Variants in STPG2 observed in about 807,000 individuals in gnomAD.
STPG2 encodes sperm tail PG-rich repeat containing 2.
Under a neutral mutation model 54.2 loss-of-function variants are expected in STPG2, and 56 were observed. That is an observed-to-expected ratio of 1.03 (90% CI 0.83 to 1.29). STPG2 has a LOEUF of 1.29. STPG2 is among the 50% of genes most tolerant of loss of function. STPG2 has a pLI of 0.00. For synonymous variants in STPG2, 200 were observed against 181.8 expected (o/e 1.10, Z -0.81); for missense variants, 596 against 544.9 (o/e 1.09, Z -0.93).
chr4:97,678,632 A>T (rs2148976366), intron 10 of STPG2, among the ~76,000 whole-genome samples: 1 of 150,958 alleles, frequency 6.6e-6, no homozygotes, highest in South Asian at 2.1e-4. Context: ...ATTTTATTTT[A>T]TTATTATTAT....
chr4:97,890,514 T>A (rs901342755), intron 8 of STPG2, among the ~76,000 whole-genome samples: 2 of 151,954 alleles, frequency 1.3e-5, no homozygotes, highest in African/African-American at 4.8e-5. Flanking sequence ...TAACATTAGC[T>A]TAAAAGGCAA....
intron 10 of STPG2, among the ~76,000 whole-genome samples, chr4:97,583,469 TTGCTTAACCAAGAGTTCC>T (rs1732914751): frequency 6.6e-6 from 1 of 151,940 alleles, no homozygotes; most frequent in African/African-American, 2.4e-5. Context: ...GAAAATATAT[TTGCTTAACCAAGAGTTCC>T]TGCTATTTTC....
At chr4:97,528,516 T>G (rs183616560) in intron 4 of STPG2, among the ~76,000 whole-genome samples, 16 of 152,228 alleles carry the variant, frequency 1.1e-4, no homozygotes, top group Non-Finnish European at 1.9e-4. Flanking sequence ...TTTAAAGTAT[T>G]TTTTTCCAAC....
chr4:97,651,248 G>A (rs2148953492), intron 10 of STPG2, among the ~76,000 whole-genome samples: 1 of 151,650 alleles, frequency 6.6e-6, no homozygotes, highest in African/African-American at 2.4e-5. Context: ...ATACAAAGCA[G>A]ACATTATTGT....
chr4:97,682,283 C>T (rs879886505), intron 10 of STPG2, among the ~76,000 whole-genome samples: 3 of 151,762 alleles, frequency 2.0e-5, no homozygotes, highest in Non-Finnish European at 4.4e-5. Context: ...TAAGATGGTC[C>T]TTTCTCATTG....
chr4:98,135,172 A>T (rs1740104119), intron 1 of STPG2, among the ~76,000 whole-genome samples: 2 of 151,904 alleles, frequency 1.3e-5, no homozygotes, highest in African/African-American at 4.8e-5. Flanking sequence ...AACAGGTAAT[A>T]AAAGAATGCA....
At chr4:97,789,638 G>A (rs1434860850) in intron 9 of STPG2, among the ~76,000 whole-genome samples, 1 of 151,896 alleles carries the variant, frequency 6.6e-6, no homozygotes. Flanking sequence ...GATTATATAC[G>A]AACTATTTAT....
At chr4:98,079,287 G>T (rs1413811560) in intron 5 of STPG2, among the ~76,000 whole-genome samples, 1 of 152,108 alleles carries the variant, frequency 6.6e-6, no homozygotes, top group Admixed American at 6.5e-5. Flanking sequence ...TCCTGTATAG[G>T]ATGACTTTGC....
At chr4:98,038,952 C>T (rs11097601) in intron 5 of STPG2, among the ~76,000 whole-genome samples, 59,837 of 151,740 alleles carry the variant, frequency 0.39, 12,031 homozygotes, top group Middle Eastern at 0.46. Context: ...AAGAGATACA[C>T]ATACCCATCA....
At chr4:97,638,390 T>G (rs952945421) in intron 10 of STPG2, among the ~76,000 whole-genome samples, 1 of 151,910 alleles carries the variant, frequency 6.6e-6, no homozygotes, top group Non-Finnish European at 1.5e-5. Context: ...CCATAAAAAC[T>G]CTAGAAGAAA....
chr4:98,101,150 G>A (rs1739025508), intron 5 of STPG2, among the ~76,000 whole-genome samples: 2 of 152,118 alleles, frequency 1.3e-5, no homozygotes, highest in Non-Finnish European at 2.9e-5. Context: ...TGAAAATTCT[G>A]CAGCACTTTG....
intron 9 of STPG2, among the ~76,000 whole-genome samples, chr4:97,811,190 G>T (rs1236481992): frequency 6.6e-6 from 1 of 151,080 alleles, no homozygotes; most frequent in Non-Finnish European, 1.5e-5. Flanking sequence ...TAGGCGGTTA[G>T]TTTACTTAAA....
chr4:98,019,194 T>A (rs939039235), intron 5 of STPG2, among the ~76,000 whole-genome samples: 5 of 152,174 alleles, frequency 3.3e-5, no homozygotes, highest in African/African-American at 1.2e-4. Flanking sequence ...TTAATTTTTG[T>A]ATAAGGTGTA....
intron 10 of STPG2, among the ~76,000 whole-genome samples, chr4:97,627,445 C>T (rs977184754): frequency 2.6e-5 from 4 of 152,022 alleles, no homozygotes; most frequent in Admixed American, 6.6e-5. Flanking sequence ...CATGCTAACA[C>T]ATTAAGTTAA....
At chr4:97,798,487 G>A (rs1401823529) in intron 9 of STPG2, among the ~76,000 whole-genome samples, 1 of 152,146 alleles carries the variant, frequency 6.6e-6, no homozygotes, top group African/African-American at 2.4e-5. Flanking sequence ...ATGCAGTTGA[G>A]CGGTTTTCAG....
chr4:97,615,842 C>T (rs1339093949), intron 10 of STPG2, among the ~76,000 whole-genome samples: 3 of 150,684 alleles, frequency 2.0e-5, no homozygotes, highest in Admixed American at 6.7e-5. Context: ...TCAAGACCAG[C>T]CTGGCTAACA....
chr4:98,134,556 T>C (rs1032747515), intron 1 of STPG2, 97 bp from the exon 2 acceptor site: 4 of 504,368 alleles, frequency 7.9e-6, no homozygotes, highest in African/African-American at 2.1e-5. Context: ...GTATCCTCAA[T>C]TGTTAAGACT....
chr4:98,011,841 G>A (rs1172330726), intron 5 of STPG2, among the ~76,000 whole-genome samples: 3 of 152,166 alleles, frequency 2.0e-5, no homozygotes, highest in Non-Finnish European at 2.9e-5. Context: ...TAAGTTCCTT[G>A]TAGATTCTGG....
chr4:97,721,216 A>C (rs137932495), intron 9 of STPG2, among the ~76,000 whole-genome samples: 1 of 152,228 alleles, frequency 6.6e-6, no homozygotes, highest in Non-Finnish European at 1.5e-5. Context: ...CAAAAAGAAC[A>C]GTCATGTTTG....
Sources: gnomAD v4.1 joint callset for allele counts (sites outside exome capture counted in the v4.1 genomes callset) on GRCh38, gnomAD v4.1.1 for gene constraint, MANE v1.5 for transcripts, NCBI Gene and HGNC (gene_info 2026-07-23, HGNC 2026-07-21) for gene names.